The following PTPRD variants were observed in gnomAD, a reference collection of about 807,000 sequenced individuals.
PTPRD encodes the protein protein tyrosine phosphatase receptor type D.
Under a neutral mutation model 214.5 loss-of-function variants are expected in PTPRD, and 34 were observed. That is an observed-to-expected ratio of 0.16 (90% CI 0.12 to 0.21). PTPRD has a LOEUF of 0.21. PTPRD is among the 10% of genes least tolerant of loss of function. The pLI is 1.00. For synonymous variants in PTPRD, 1,128 were observed against 845.7 expected (o/e 1.33, Z -5.79); for missense variants, 2,545 against 2,398.7 (o/e 1.06, Z -1.27).
chr9:10,361,042 T>C (rs7847623), intron 2 of PTPRD, among the ~76,000 whole-genome samples: 111,925 of 151,970 alleles, frequency 0.74, 42,694 homozygotes, highest in African/African-American at 0.93. Context: ...GCGGAGCTTG[T>C]AGTGAGCCGA....
At chr9:10,462,143 T>C (rs2098963596) in intron 2 of PTPRD, among the ~76,000 whole-genome samples, 1 of 152,026 alleles carries the variant, frequency 6.6e-6, no homozygotes, top group Non-Finnish European at 1.5e-5. Flanking sequence ...GGTAAATGAG[T>C]AAATTATAGC....
chr9:8,597,296 T>C (rs1376568084), intron 14 of PTPRD, among the ~76,000 whole-genome samples: 1 of 151,996 alleles, frequency 6.6e-6, no homozygotes, highest in African/African-American at 2.4e-5. Context: ...AAGACAAGAA[T>C]AAGATTGAAA....
chr9:10,275,801 G>A (rs907672305), intron 3 of PTPRD, among the ~76,000 whole-genome samples: 1 of 152,176 alleles, frequency 6.6e-6, no homozygotes, highest in Non-Finnish European at 1.5e-5. Context: ...GGAGCCAAAA[G>A]TGAAGCATGC....
Position 8,713,940 on chromosome 9 carries a change from C to T in PTPRD, c.64+19840G>A, listed in dbSNP as rs1820325105. On this transcript the variant is annotated intron_variant, in intron 12 of 45. Coordinates refer to ENST00000381196, the MANE Select transcript of PTPRD (RefSeq NM_002839.4). ...TCCACTGACGCATAACTTGGAGGAC[C>T]ATGGTGAGAATTAGTGAGGCCTGAC... 7 of 657,676 alleles carry T rather than the reference C, an allele frequency of 1.1e-5. No individual in the cohort carries two copies. The East Asian group carries it at 1.6e-4, about 15-fold the overall frequency. 40.7% of individuals were successfully genotyped at this position (657,676 alleles called of 1,614,324 possible). A position where few individuals can be genotyped will look rare whatever the true frequency, so the allele number is the denominator to read the frequency against.
At chr9:9,795,794 A>G (rs550921603) in intron 5 of PTPRD, among the ~76,000 whole-genome samples, 5 of 152,314 alleles carry the variant, frequency 3.3e-5, no homozygotes, top group African/African-American at 1.2e-4. Context: ...GTCTTACCAC[A>G]TCTGACACAT....
Position 9,258,090 on chromosome 9 carries a change from G to GAGATAGATAGATAGAT in PTPRD, c.-202-74743_-202-74728dup, listed in dbSNP as rs71319208. Among the ~76,000 whole-genome samples, 483 of 148,358 alleles carry GAGATAGATAGATAGAT rather than the reference G, an allele frequency of 3.3e-3. 1 individual carries two copies. Among genetic ancestry groups the GAGATAGATAGATAGAT allele is most frequent in the African/African-American group, 9.3e-3 (381 of 40,788 alleles). On this transcript the variant is annotated intron_variant, in intron 9 of 45. Transcript: ENST00000381196. Reference sequence around the variant, plus strand: ...AAAAAAGCTAATAAATGAATGGATAGAGATAGATAGATAGATAGATAGATA... The same window carrying GAGATAGATAGATAGAT: ...AAAAAAGCTAATAAATGAATGGATAGAGATAGATAGATAGATAGATAGATAGATAGATAGATAGATA...
intron 8 of PTPRD, among the ~76,000 whole-genome samples, chr9:9,556,357 G>A (rs1447489568): frequency 1.3e-5 from 2 of 152,096 alleles, no homozygotes; most frequent in Non-Finnish European, 2.9e-5. Context: ...GGAAAAAGAG[G>A]TGGAGGAGGT....
intron 39 of PTPRD, among the ~76,000 whole-genome samples, chr9:8,359,181 A>T (rs1434654199): frequency 6.8e-6 from 1 of 147,754 alleles, no homozygotes; most frequent in African/African-American, 2.5e-5. Context: ...CAGGGATCTT[A>T]GAGATCTGGT....
intron 35 of PTPRD, among the ~76,000 whole-genome samples, chr9:8,427,760 T>A (rs1480795213): frequency 2.0e-5 from 3 of 152,086 alleles, no homozygotes; most frequent in African/African-American, 7.2e-5. Flanking sequence ...TAGGGTTTCA[T>A]TGATTCTAAG....
intron 39 of PTPRD, among the ~76,000 whole-genome samples, chr9:8,370,446 C>A (rs909149327): frequency 3.3e-5 from 5 of 152,048 alleles, no homozygotes; most frequent in East Asian, 1.9e-4. Flanking sequence ...TTATTACCTC[C>A]CTGTGCGGAA....
chr9:9,038,915 T>C (rs573949116), intron 10 of PTPRD, among the ~76,000 whole-genome samples: 1 of 152,132 alleles, frequency 6.6e-6, no homozygotes, highest in South Asian at 2.1e-4. Context: ...TTTTGTTGTT[T>C]GATATACTGA....
chr9:10,476,816 A>C (rs1273767293), intron 2 of PTPRD, among the ~76,000 whole-genome samples: 1 of 152,046 alleles, frequency 6.6e-6, no homozygotes, highest in Non-Finnish European at 1.5e-5. Flanking sequence ...ACAGAATAGA[A>C]GTCTCAGAAA....
intron 3 of PTPRD, among the ~76,000 whole-genome samples, chr9:10,276,638 A>G (rs2094707256): frequency 6.6e-6 from 1 of 152,228 alleles, no homozygotes; most frequent in African/African-American, 2.4e-5. Context: ...TGTATATCAT[A>G]CACCTACCTA....
chr9:10,195,208 C>T (rs1016356643), intron 3 of PTPRD, among the ~76,000 whole-genome samples: 2 of 141,542 alleles, frequency 1.4e-5, no homozygotes, highest in African/African-American at 2.6e-5. Context: ...TGAATAAAAA[C>T]GGAAGGGAAT....
Position 9,931,318 on chromosome 9 carries a change from G to T in PTPRD, c.-368+7189C>A, listed in dbSNP as rs999186024. On this transcript the variant is annotated intron_variant, in intron 5 of 45. Coordinates refer to ENST00000381196, the MANE Select transcript of PTPRD (RefSeq NM_002839.4). ...TCTGCATTTCCATCTGAGGTACAGG[G>T]TTCATCTCACTAGGGAGTGCCAGAC... Among the ~76,000 whole-genome samples, 5 of 152,324 alleles carry T rather than the reference G, an allele frequency of 3.3e-5. No homozygotes were observed. In the East Asian group the frequency reaches 9.7e-4, roughly 29 times the overall value.
chr9:9,454,606 A>G (rs1238911759), intron 8 of PTPRD, among the ~76,000 whole-genome samples: 1 of 151,766 alleles, frequency 6.6e-6, no homozygotes, highest in African/African-American at 2.4e-5. Flanking sequence ...TTGAATAGCC[A>G]AAAGAAATTT....
At chr9:8,886,452 T>A (rs1035671541) in intron 11 of PTPRD, among the ~76,000 whole-genome samples, 3 of 152,212 alleles carry the variant, frequency 2.0e-5, no homozygotes, top group Non-Finnish European at 4.4e-5. Flanking sequence ...CAGATAGCCA[T>A]GTCATGATAT....
chr9:10,024,012 T>G (rs966593812), intron 4 of PTPRD, among the ~76,000 whole-genome samples: 5 of 152,138 alleles, frequency 3.3e-5, no homozygotes, highest in Non-Finnish European at 7.4e-5. Context: ...TTATTTCCAA[T>G]CATGAGTACT....
intron 11 of PTPRD, among the ~76,000 whole-genome samples, chr9:8,955,491 C>T (rs1171762276): frequency 6.6e-6 from 1 of 151,842 alleles, no homozygotes; most frequent in Non-Finnish European, 1.5e-5. Context: ...AGCATAAATG[C>T]TCTGCTCTCA....
Sources: gnomAD v4.1 joint callset for allele counts (sites outside exome capture counted in the v4.1 genomes callset) on GRCh38, gnomAD v4.1.1 for gene constraint, MANE v1.5 for transcripts, NCBI Gene and HGNC (gene_info 2026-07-23, HGNC 2026-07-21) for gene names.